Variants in ATG13 observed in about 807,000 individuals in gnomAD.
ATG13 encodes autophagy related 13, also known as autophagy-related protein 13.
In ATG13, 23 loss-of-function variants were observed where a neutral mutation model predicts 65.5. The observed-to-expected ratio is 0.35, with a 90% CI of 0.25 to 0.50. The LOEUF (loss-of-function observed/expected upper bound fraction) is 0.50. Ranked by LOEUF, ATG13 falls within the 20% of genes least tolerant of loss-of-function variation. The pLI is 0.98. For missense variants in ATG13, 566 were observed against 677.0 expected (o/e 0.84, Z 1.82); for synonymous variants, 252 against 245.2 (o/e 1.03, Z -0.26).
rs769407622 is a variant in ATG13 at position 46,668,587 on chromosome 11, C to T, written c.1329+11C>T. 1.4e-5 allele frequency: 23 copies of T among 1,612,582 alleles called. No homozygotes were observed. Among genetic ancestry groups the T allele is most frequent in the Admixed American group, 1.3e-4 (8 of 59,998 alleles). On this transcript the variant is annotated intron_variant, in intron 16 of 18. Transcript: ENST00000683050. ...GATACCGATCCAATGGTGAGCCCAC[C>T]GTTGACTACGAGTTCCCAGTAGATG...
intron 1 of ATG13, among the ~76,000 whole-genome samples, chr11:46,629,305 G>C (rs1043877907): frequency 9.9e-5 from 15 of 152,260 alleles, no homozygotes; most frequent in African/African-American, 3.4e-4. Flanking sequence ...TGGTATAGAT[G>C]CAGTCACACT....
intron 7 of ATG13, among the ~76,000 whole-genome samples, chr11:46,654,974 CTGT>C (rs2059728818): frequency 6.6e-6 from 1 of 152,094 alleles, no homozygotes; most frequent in South Asian, 2.1e-4. Flanking sequence ...TAGCGCATAC[CTGT>C]AGTGCCAGCC....
intron 1 of ATG13, among the ~76,000 whole-genome samples, chr11:46,629,602 G>T (rs2135876506): frequency 6.6e-6 from 1 of 152,078 alleles, no homozygotes; most frequent in African/African-American, 2.4e-5. Context: ...TCTCCATGTT[G>T]GTCAGGCTGG....
chr11:46,628,462 T>C (rs1484549217), intron 1 of ATG13, among the ~76,000 whole-genome samples: 5 of 152,136 alleles, frequency 3.3e-5, no homozygotes, highest in Middle Eastern at 3.4e-3. Context: ...TGTCAGCAAA[T>C]AGTTTTTTTT....
At position 46,672,813 on chromosome 11, in the gene ATG13, C is replaced by T; in HGVS notation, c.*481C>T. The T allele has an allele frequency of 7.7e-7, 1 of 1,299,952 alleles. No individual in the cohort carries two copies. The highest frequency in any genetic ancestry group is 1.2e-5 in the South Asian group (1 of 81,818). 80.5% of individuals were successfully genotyped at this position (1,299,952 alleles called of 1,614,324 possible). ...GCCAGGAGGAAGAAGGAAGGAGTCCCTTAGCTCTCTTCATTGTCCCCTTTA... is the reference window on the plus strand; with the variant it reads ...GCCAGGAGGAAGAAGGAAGGAGTCCTTTAGCTCTCTTCATTGTCCCCTTTA... On this transcript the variant is annotated 3_prime_UTR_variant, in exon 19 of 19. Coordinates refer to ENST00000683050, the MANE Select transcript of ATG13 (RefSeq NM_001346311.2).
intron 2 of ATG13, among the ~76,000 whole-genome samples, chr11:46,633,003 A>T (rs867010338): frequency 0.078 from 6,927 of 88,380 alleles, 412 homozygotes; most frequent in Non-Finnish European, 0.1. Flanking sequence ...ATTAAAAAAA[A>T]ATATATATAT....
At chr11:46,622,442 A>C (rs1256954458) in intron 1 of ATG13, among the ~76,000 whole-genome samples, 1 of 152,134 alleles carries the variant, frequency 6.6e-6, no homozygotes, top group Non-Finnish European at 1.5e-5. Flanking sequence ...TATTTTAAAT[A>C]ATTTTTTGTT....
At chr11:46,628,912 A>G (rs565150862) in intron 1 of ATG13, among the ~76,000 whole-genome samples, 1 of 150,642 alleles carries the variant, frequency 6.6e-6, no homozygotes, top group East Asian at 1.9e-4. Flanking sequence ...CTCCACTCCC[A>G]GCCCCAAGCA....
chr11:46,645,214 A>C (rs2057211041), intron 3 of ATG13, 125 bp from the exon 4 acceptor site: 1 of 710,474 alleles, frequency 1.4e-6, no homozygotes, highest in Non-Finnish European at 2.3e-6. Context: ...TTCCCAAAGT[A>C]TACTTATGAT....
intron 10 of ATG13, among the ~76,000 whole-genome samples, chr11:46,658,971 C>T (rs1163164978): frequency 6.6e-6 from 1 of 152,140 alleles, no homozygotes; most frequent in East Asian, 1.9e-4. Context: ...TGGAGGATTG[C>T]TTGAGCTTAG....
At chr11:46,670,838 ATC>A (rs2063556632) in intron 18 of ATG13, among the ~76,000 whole-genome samples, 1 of 152,178 alleles carries the variant, frequency 6.6e-6, no homozygotes, top group East Asian at 1.9e-4. Flanking sequence ...ATAAATAAAA[ATC>A]AAGGCTTTTT....
intron 2 of ATG13, among the ~76,000 whole-genome samples, chr11:46,631,515 T>A (rs1242862688): frequency 6.6e-6 from 1 of 152,220 alleles, no homozygotes; most frequent in Non-Finnish European, 1.5e-5. Flanking sequence ...TCAGCGATTA[T>A]CTATGGGCAT....
Position 46,634,218 on chromosome 11 carries a change from C to T in ATG13, c.-14+4118C>T, listed in dbSNP as rs554568868. ...TCAAGAGATTCTCCTGTCTCAGCCT[C>T]CTCAGTAGCTGGGATTACAGGCATG... On this transcript the variant is annotated intron_variant, in intron 2 of 18. Coordinates refer to ENST00000683050, the MANE Select transcript of ATG13 (RefSeq NM_001346311.2). 1.6e-4 allele frequency among the ~76,000 whole-genome samples: 24 copies of T among 151,978 alleles called. No homozygotes were observed. The East Asian group carries it at 3.1e-3, about 20-fold the overall frequency.
At chr11:46,625,844 TTACTG>T (rs1237124253) in intron 1 of ATG13, among the ~76,000 whole-genome samples, 1 of 152,188 alleles carries the variant, frequency 6.6e-6, no homozygotes, top group African/African-American at 2.4e-5. Flanking sequence ...AATTTAAGCT[TTACTG>T]TATGCTTTGG....
chr11:46,636,746 C>T (rs991488929), intron 2 of ATG13, among the ~76,000 whole-genome samples: 5 of 151,502 alleles, frequency 3.3e-5, no homozygotes, highest in African/African-American at 1.2e-4. Flanking sequence ...TGTCAGCTGC[C>T]ACGCTGGGCC....
At position 46,672,737 on chromosome 11, in the gene ATG13, G is replaced by T. The variant is rs771964290; in HGVS notation, c.*405G>T. 4.5e-6 allele frequency: 6 copies of T among 1,329,344 alleles called. No homozygotes were observed. The Middle Eastern group carries it at 7.1e-4, about 158-fold the overall frequency. 82.3% of individuals were successfully genotyped at this position (1,329,344 alleles called of 1,614,324 possible). ...TCACCATCCACTGTTTGACATTCCA[G>T]CTGGTGGCCAAGAGATTGGTGTGGA... On this transcript the variant is annotated 3_prime_UTR_variant, in exon 19 of 19. Transcript: ENST00000683050.
intron 15 of ATG13, 112 bp from the exon 16 acceptor site, chr11:46,668,387 G>C (rs1465761387): frequency 1.9e-6 from 2 of 1,069,916 alleles, no homozygotes; most frequent in Admixed American, 3.8e-5. Flanking sequence ...GGGCAGCATG[G>C]TCAGCATAGC....
intron 5 of ATG13, 134 bp downstream of exon 5, chr11:46,646,123 T>C: frequency 8.2e-7 from 1 of 1,214,526 alleles, no homozygotes; most frequent in Non-Finnish European, 1.1e-6. Flanking sequence ...GGGGTCATAG[T>C]TTTTTTTGTT....
At chr11:46,665,677 C>T (rs1434638576) in intron 14 of ATG13, among the ~76,000 whole-genome samples, 158 bp downstream of exon 14, 4 of 148,580 alleles carry the variant, frequency 2.7e-5, no homozygotes, top group Admixed American at 1.3e-4. Flanking sequence ...GGAGTGGTGG[C>T]TCACACCTAT....
Sources: allele counts gnomAD v4.1 joint callset (sites outside exome capture counted in the v4.1 genomes callset), GRCh38; gene constraint gnomAD v4.1.1; transcripts MANE v1.5; gene names NCBI Gene and HGNC (gene_info 2026-07-23, HGNC 2026-07-21).